Variants in MORC1 observed in about 807,000 individuals in gnomAD.
MORC1 encodes MORC family CW-type zinc finger protein 1.
MORC1 carries 59 observed loss-of-function variants against 134.9 expected under a neutral mutation model. The observed-to-expected ratio is 0.44, with a 90% CI of 0.35 to 0.54. The LOEUF (loss-of-function observed/expected upper bound fraction) is 0.54, where lower values mean the gene tolerates loss of function less well. Ranked by LOEUF, MORC1 falls within the 20% of genes least tolerant of loss-of-function variation. The pLI is 0.00. For missense variants in MORC1, 947 were observed against 1,134.5 expected, an observed-to-expected ratio of 0.83 and a Z score of 2.37; for synonymous variants, 395 against 391.7, an observed-to-expected ratio of 1.01 and a Z score of -0.10.
At chr3:109,027,574 T>C (rs1417945572) in intron 17 of MORC1, among the ~76,000 whole-genome samples, 177 bp downstream of exon 17, 1 of 151,934 alleles carries the variant, frequency 6.6e-6, no homozygotes, top group Non-Finnish European at 1.5e-5. Context: ...ATTTTTTTTT[T>C]TTTTACAAAA....
At chr3:109,024,511 A>G (rs1420280171) in intron 17 of MORC1, among the ~76,000 whole-genome samples, 1 of 152,200 alleles carries the variant, frequency 6.6e-6, no homozygotes, top group African/African-American at 2.4e-5. Context: ...ATCCAGAAAG[A>G]TTTTTGATTT....
intron 3 of MORC1, among the ~76,000 whole-genome samples, chr3:109,104,172 A>G (rs1950979717): frequency 6.6e-6 from 1 of 152,186 alleles, no homozygotes; most frequent in South Asian, 2.1e-4. Context: ...ATACAGCAGG[A>G]CATGTTCTGC....
chr3:109,116,735 A>G (rs1414965657), intron 1 of MORC1, among the ~76,000 whole-genome samples: 1 of 152,228 alleles, frequency 6.6e-6, no homozygotes, highest in Non-Finnish European at 1.5e-5. Context: ...AACTATGATC[A>G]TATCACTGCA....
chr3:109,045,863 T>G (rs1053724803), intron 14 of MORC1, among the ~76,000 whole-genome samples: 14 of 152,054 alleles, frequency 9.2e-5, no homozygotes, highest in Admixed American at 2.6e-4. Context: ...CTGGCCCAAT[T>G]CACTCCAAAT....
chr3:109,108,849 G>A (rs1461948403), intron 3 of MORC1, among the ~76,000 whole-genome samples: 1 of 150,800 alleles, frequency 6.6e-6, no homozygotes. Context: ...GCAGTGAGCC[G>A]AGCTCGCGCC....
chr3:109,023,872 T>C (rs1949015630), intron 17 of MORC1, among the ~76,000 whole-genome samples: 1 of 152,194 alleles, frequency 6.6e-6, no homozygotes, highest in Non-Finnish European at 1.5e-5. Context: ...CAGGTGGCAC[T>C]TGTCACTCGG....
At chr3:109,095,772 C>A (rs1950820926) in intron 6 of MORC1, among the ~76,000 whole-genome samples, 1 of 151,960 alleles carries the variant, frequency 6.6e-6, no homozygotes, top group African/African-American at 2.4e-5. Flanking sequence ...AGGAGTCTTC[C>A]TTGAAAAATC....
At chr3:109,025,379 C>CTTTTTTTTTTTTTTTTT (rs63701060) in intron 17 of MORC1, among the ~76,000 whole-genome samples, 1 of 105,098 alleles carries the variant, frequency 9.5e-6, no homozygotes, top group Non-Finnish European at 1.9e-5. Context: ...TTTCTTTTTT[C>CTTTTTTTTTTTTTTTTT]TTTTTTTTTT....
At chr3:109,048,192 A>C (rs1362516696) in intron 14 of MORC1, among the ~76,000 whole-genome samples, 1 of 152,176 alleles carries the variant, frequency 6.6e-6, no homozygotes, top group Non-Finnish European at 1.5e-5. Context: ...TGGAAGAGGG[A>C]GAGAGTGTGA....
chr3:109,101,952 C>T (rs543467703), intron 4 of MORC1, among the ~76,000 whole-genome samples: 4 of 152,322 alleles, frequency 2.6e-5, no homozygotes, highest in African/African-American at 9.6e-5. Context: ...CATGAACTCA[C>T]GTGCATGGTT....
At chr3:108,989,297 T>A (rs1315336819) in intron 21 of MORC1, among the ~76,000 whole-genome samples, 10 of 152,216 alleles carry the variant, frequency 6.6e-5, no homozygotes, top group African/African-American at 1.9e-4. Flanking sequence ...GGAAATCTCT[T>A]GCCTGAGATT....
chr3:109,047,522 T>A (rs1281083073), intron 14 of MORC1, among the ~76,000 whole-genome samples: 1 of 152,042 alleles, frequency 6.6e-6, no homozygotes. Context: ...CTGAAAGCAA[T>A]GTAAATGAAT....
chr3:109,074,650 C>T (rs1950383172), intron 8 of MORC1, among the ~76,000 whole-genome samples: 1 of 152,196 alleles, frequency 6.6e-6, no homozygotes. Context: ...ACAGTGAAAG[C>T]ATTTGTCATG....
rs755314127 is a variant in MORC1, at chr3:108,984,815, G to A, written c.2258-33C>T. The stretch of plus-strand genomic sequence containing the variant: ...AGAACATAGACAAACAATCGCATTT[G>A]GATGATCACACAATAAACTGAACCA... On this transcript the variant is annotated intron_variant, in intron 22 of 27. Coordinates refer to ENST00000232603, the MANE Select transcript of MORC1 (RefSeq NM_014429.4). 9 of 1,554,176 alleles carry A rather than the reference G, an allele frequency of 5.8e-6. No individual in the cohort carries two copies. In the Admixed American group the frequency reaches 1.4e-4, roughly 25 times the overall value.
chr3:109,073,626 C>G (rs901892503), intron 8 of MORC1, among the ~76,000 whole-genome samples: 1 of 152,318 alleles, frequency 6.6e-6, no homozygotes, highest in Middle Eastern at 3.4e-3. Context: ...GAGAAAATGA[C>G]TCTAAACTGC....
Position 109,049,133 on chromosome 3 carries a change from T to G in MORC1, c.1330+5595A>C, listed in dbSNP as rs559302006. 2.1e-3 allele frequency: 2,092 copies of G among 984,436 alleles called. 4 individuals are homozygous for G. Among genetic ancestry groups the G allele is most frequent in the Non-Finnish European group, 2.4e-3 (1,999 of 829,022 alleles). The allele number at this position is 984,436 out of a possible 1,614,324, so 61.0% of individuals were successfully genotyped here. A position where few individuals can be genotyped will look rare whatever the true frequency, so the allele number is the denominator to read the frequency against. ...TTAATATTTGCTTCATCACTCGACG[T>G]GTATCCTTAGCAAAGCTGTTATATT... On this transcript the variant is annotated intron_variant, in intron 14 of 27. Transcript: ENST00000232603.
At chr3:108,961,682 A>G (rs1947084948) in intron 27 of MORC1, among the ~76,000 whole-genome samples, 1 of 152,212 alleles carries the variant, frequency 6.6e-6, no homozygotes, top group Non-Finnish European at 1.5e-5. Flanking sequence ...GAGATTAGGC[A>G]AAAGAGTTTC....
At chr3:109,041,341 G>A (rs893417874) in intron 14 of MORC1, among the ~76,000 whole-genome samples, 10 of 151,840 alleles carry the variant, frequency 6.6e-5, no homozygotes, top group African/African-American at 2.4e-4. Context: ...GAAAGCAGAA[G>A]AGAAAATCTG....
At position 109,035,473 on chromosome 3, in the gene MORC1, T is replaced by A. The variant is rs199546517; in HGVS notation, c.1331-5A>T. On this transcript the variant is annotated splice_region_variant and splice_polypyrimidine_tract_variant and intron_variant, in intron 14 of 27. Transcript: ENST00000232603. Reference sequence around the variant, plus strand: ...ACAATGTTAAATTTCTATTATCTTTTAAAAAAAAAAGCAGGCAAAGAATAA... The same window carrying A: ...ACAATGTTAAATTTCTATTATCTTTAAAAAAAAAAAGCAGGCAAAGAATAA... The A allele has an allele frequency of 4.9e-3, 5,798 of 1,173,178 alleles. 28 individuals are homozygous for A. Among genetic ancestry groups the A allele is most frequent in the Non-Finnish European group, 5.9e-3 (5,057 of 860,884 alleles). The allele number at this position is 1,173,178 out of a possible 1,614,324, so 72.7% of individuals were successfully genotyped here.
Sources: allele counts gnomAD v4.1 joint callset (sites outside exome capture counted in the v4.1 genomes callset), GRCh38; gene constraint gnomAD v4.1.1; transcripts MANE v1.5; gene names NCBI Gene and HGNC (gene_info 2026-07-23, HGNC 2026-07-21).